Variants in TENM4 observed in about 807,000 individuals in gnomAD.
TENM4 encodes teneurin transmembrane protein 4, also known as teneurin-4.
In TENM4, 82 loss-of-function variants were observed where a neutral mutation model predicts 243.3. The observed-to-expected ratio is 0.34, with a 90% CI of 0.28 to 0.40. TENM4 has a LOEUF of 0.40. Ranked by LOEUF, TENM4 falls within the 10% of genes least tolerant of loss-of-function variation. The pLI is 1.00. For synonymous variants in TENM4, 1,412 were observed against 1,456.3 expected (o/e 0.97, Z 0.69); for missense variants, 3,138 against 3,673.3 (o/e 0.85, Z 3.77).
At chr11:79,059,833 C>T (rs943471181) in intron 6 of TENM4, among the ~76,000 whole-genome samples, 1 of 152,200 alleles carries the variant, frequency 6.6e-6, no homozygotes, top group Non-Finnish European at 1.5e-5. Context: ...AAATGCCTTG[C>T]CCAAGATCTC....
chr11:78,890,166 G>A, intron 8 of TENM4, 146 bp from the exon 9 acceptor site: 1 of 648,924 alleles, frequency 1.5e-6, no homozygotes, highest in Non-Finnish European at 2.6e-6. Flanking sequence ...GGAAAGGACA[G>A]GAACAAGGAG....
Position 78,670,119 on chromosome 11 carries a change from T to C in TENM4, c.6226A>G (p.Met2076Val), listed in dbSNP as rs776563835. Residue 2076 changes from methionine (M) to valine (V), a missense_variant, in exon 32 of 34, where the codon ATG (methionine) becomes GTG (valine). This residue lies in a region of TENM4 where 2,467 missense variants were observed against 3,059.1 expected (regional missense o/e 0.81). Coordinates refer to ENST00000278550, the MANE Select transcript of TENM4 (RefSeq NM_001098816.3). ...TTGTAGTCAAAACGGGCGTTGACCA[T>C]GCCTTCCTCAGTGAAGCGGAAGATC... ...RQIFRFTEEG[M>V]VNARFDYNYD... 5 of 1,613,994 alleles carry C rather than the reference T, an allele frequency of 3.1e-6. No homozygotes were observed. In the South Asian group the frequency reaches 5.5e-5, roughly 18 times the overall value.
rs1051161278 is a variant in TENM4 at position 79,315,262 on chromosome 11, C to G, written c.-320-17719G>C. On this transcript the variant is annotated intron_variant, in intron 1 of 33. Transcript: ENST00000278550. ...GAAGAGCTGGAATGATTCTCACGAGCAGAGCTCCCTGGATCCTGTACCTGT... is the reference window on the plus strand; with the variant it reads ...GAAGAGCTGGAATGATTCTCACGAGGAGAGCTCCCTGGATCCTGTACCTGT... Among the ~76,000 whole-genome samples the G allele has an allele frequency of 5.9e-5, 9 of 152,290 alleles. No homozygotes were observed. In the South Asian group the frequency reaches 1.7e-3, roughly 28 times the overall value.
rs113268790 is a variant in TENM4, at chr11:78,870,625, A to G, written c.1085-7493T>C. The stretch of plus-strand genomic sequence containing the variant: ...AAATTAAGTGTTTTCTGGAGAATGG[A>G]TTCTGGCACAGTTAATCATTTCTCT... On this transcript the variant is annotated intron_variant, in intron 9 of 33. Transcript: ENST00000278550. Among the ~76,000 whole-genome samples the G allele has an allele frequency of 1.3e-3, 205 of 152,308 alleles. 2 individuals are homozygous for G. The highest frequency in any genetic ancestry group is 6.8e-3 in the Middle Eastern group (2 of 294).
At chr11:78,659,189 G>A (rs927679267) in intron 33 of TENM4, among the ~76,000 whole-genome samples, 4 of 152,130 alleles carry the variant, frequency 2.6e-5, no homozygotes, top group Admixed American at 6.5e-5. Flanking sequence ...GATCACTGGT[G>A]GCCTAAGAGA....
At chr11:79,018,023 G>A (rs888288870) in intron 6 of TENM4, among the ~76,000 whole-genome samples, 1 of 152,190 alleles carries the variant, frequency 6.6e-6, no homozygotes, top group Non-Finnish European at 1.5e-5. Flanking sequence ...AAAACCATTT[G>A]GCTGCCTGCT....
chr11:78,909,577 C>T (rs910707988), intron 6 of TENM4, among the ~76,000 whole-genome samples: 14 of 152,222 alleles, frequency 9.2e-5, no homozygotes, highest in African/African-American at 3.1e-4. Flanking sequence ...TGAGCACTTT[C>T]CAAGTGTCGA....
intron 6 of TENM4, among the ~76,000 whole-genome samples, chr11:79,010,270 G>A (rs913592785): frequency 6.6e-5 from 10 of 152,068 alleles, no homozygotes; most frequent in African/African-American, 9.7e-5. Flanking sequence ...TTAAAAATAC[G>A]GTTTCTGCTG....
At chr11:79,236,787 C>T (rs1440969064) in intron 2 of TENM4, among the ~76,000 whole-genome samples, 1 of 152,262 alleles carries the variant, frequency 6.6e-6, no homozygotes, top group East Asian at 1.9e-4. Context: ...AGCAAATGCA[C>T]CCACAGGATT....
intron 2 of TENM4, among the ~76,000 whole-genome samples, chr11:79,297,188 C>T (rs1185544829): frequency 6.6e-6 from 1 of 152,158 alleles, no homozygotes; most frequent in African/African-American, 2.4e-5. Context: ...GACCAGTTTT[C>T]AATAAGCCCC....
intron 2 of TENM4, among the ~76,000 whole-genome samples, chr11:79,293,635 C>A (rs1164592739): frequency 6.6e-6 from 1 of 151,988 alleles, no homozygotes; most frequent in Non-Finnish European, 1.5e-5. Flanking sequence ...TGAAGTGCAG[C>A]GACTAAGGGG....
chr11:79,262,545 G>A (rs1021337908), intron 2 of TENM4, among the ~76,000 whole-genome samples: 20 of 152,180 alleles, frequency 1.3e-4, no homozygotes, highest in Admixed American at 8.5e-4. Context: ...CCTAGTCTTT[G>A]AAGATCCGTC....
chr11:78,670,290 T>C lies in TENM4; in HGVS notation c.6055A>G (p.Lys2019Glu). Residue 2019 changes from lysine to glutamate, a missense_variant, in exon 32 of 34, where the codon AAG becomes GAG. Physicochemically the swap from Lys to Glu is moderately conservative, Grantham distance 56 (BLOSUM62 1). Around this residue, in one of 2 missense-constraint regions of TENM4, gnomAD observed 2,467 missense variants for 3,059.1 expected, o/e 0.81. Transcript: ENST00000278550. ...RVIYKYGKLS[K>E]LAETLYDTTK... ...GTGTCATAGAGCGTCTCTGCCAGCT[T>C]TGACAGTTTGCCATACTTGTATATC... The C allele has an allele frequency of 1.9e-6, 3 of 1,613,936 alleles. No homozygotes were observed. The highest frequency in any genetic ancestry group is 2.5e-6 in the Non-Finnish European group (3 of 1,179,870).
intron 19 of TENM4, among the ~76,000 whole-genome samples, chr11:78,740,811 G>A (rs1855913126): frequency 6.6e-6 from 1 of 152,206 alleles, no homozygotes; most frequent in Non-Finnish European, 1.5e-5. Context: ...ATGCAGGCCA[G>A]CCTCCTCTGA....
Position 79,205,381 on chromosome 11 carries a change from C to A in TENM4, c.-163+10427G>T, listed in dbSNP as rs78369228. On this transcript the variant is annotated intron_variant, in intron 3 of 33. Transcript: ENST00000278550. ...TTAAGTTCTATACAATTTTACCACT[C>A]GCATAGGTTTGTGTGTCCATCACCA... 1.2e-4 allele frequency among the ~76,000 whole-genome samples: 19 copies of A among 152,262 alleles called. 1 individual carries two copies. The East Asian group carries it at 3.5e-3, about 28-fold the overall frequency.
chr11:78,894,969 G>A (rs1855752828), intron 7 of TENM4, among the ~76,000 whole-genome samples: 1 of 118,670 alleles, frequency 8.4e-6, no homozygotes, highest in African/African-American at 3.2e-5. Context: ...GGTCCAACGA[G>A]ACTCGGCCTT....
intron 29 of TENM4, among the ~76,000 whole-genome samples, chr11:78,677,654 C>CAA (rs55797205): frequency 4.9e-4 from 74 of 149,574 alleles, no homozygotes; most frequent in Admixed American, 2.1e-3. Flanking sequence ...GACAGAATGA[C>CAA]AAAAAAAAAT....
chr11:78,859,528 T>C (rs556368896), intron 10 of TENM4, among the ~76,000 whole-genome samples: 67 of 152,332 alleles, frequency 4.4e-4, no homozygotes, highest in Non-Finnish European at 7.3e-4. Context: ...GATAGCTCAG[T>C]CAAAAAGCAA....
chr11:79,108,528 A>G (rs1011181316), intron 4 of TENM4, among the ~76,000 whole-genome samples: 1 of 152,098 alleles, frequency 6.6e-6, no homozygotes, highest in African/African-American at 2.4e-5. Flanking sequence ...TATGTAGAAC[A>G]TATATATGTA....
Sources: gnomAD v4.1 joint callset for allele counts (sites outside exome capture counted in the v4.1 genomes callset) on GRCh38, gnomAD v4.1.1 for gene constraint, gnomAD v4.1.1 regional missense constraint, MANE v1.5 for transcripts, NCBI Gene and HGNC (gene_info 2026-07-23, HGNC 2026-07-21) for gene names.